FREM3: variants seen among roughly 807,000 people sequenced by gnomAD.
FREM3 encodes FRAS1-related extracellular matrix protein 3.
A neutral mutation model predicts 129.1 loss-of-function variants in FREM3; 105 were observed. That is an observed-to-expected ratio of 0.81 (90% confidence interval 0.69 to 0.96). The LOEUF is 0.96. FREM3 is among the 40% of genes least tolerant of loss of function. FREM3 has a pLI of 0.00. For missense variants in FREM3, 2,593 were observed against 2,666.3 expected, an observed-to-expected ratio of 0.97 and a Z score of 0.61; for synonymous variants, 1,014 against 1,044.9, an observed-to-expected ratio of 0.97 and a Z score of 0.57.
chr4:143,660,219 C>A (rs2149851815), intron 2 of FREM3, among the ~76,000 whole-genome samples: 1 of 151,294 alleles, frequency 6.6e-6, no homozygotes, highest in East Asian at 2.0e-4. Flanking sequence ...GGTTTTAGGT[C>A]TAACATTTAA....
intron 2 of FREM3, among the ~76,000 whole-genome samples, chr4:143,635,616 T>G (rs944549430): frequency 6.6e-6 from 1 of 152,232 alleles, no homozygotes; most frequent in Non-Finnish European, 1.5e-5. Context: ...GATTAAGAAC[T>G]ACTGGTGTAG....
chr4:143,700,541 G>C lies in FREM3; in HGVS notation c.135C>G (p.Tyr45Ter). 1 of 1,519,466 alleles carries C rather than the reference G, an allele frequency of 6.6e-7. No homozygotes were observed. Among genetic ancestry groups the C allele is most frequent in the Non-Finnish European group, 8.8e-7 (1 of 1,136,986 alleles). 94.1% of individuals were successfully genotyped at this position (1,519,466 alleles called of 1,614,324 possible). Residue 45 changes from tyrosine (Y) to a stop codon, truncating the protein, a stop_gained, in exon 1 of 8, where the codon TAC becomes TAG. Coordinates refer to ENST00000329798, the MANE Select transcript of FREM3 (RefSeq NM_001168235.2). LOFTEE classifies it high-confidence loss of function. ...SLGTEPDPAL[Y>*]LPARGALDGT... ...CGTCAAGCGCACCCCGGGCGGGCAG[G>C]TAAAGCGCCGGGTCGGGCTCGGTCC...
chr4:143,652,659 G>A (rs1739533256), intron 2 of FREM3, among the ~76,000 whole-genome samples: 1 of 152,182 alleles, frequency 6.6e-6, no homozygotes, highest in Admixed American at 6.5e-5. Flanking sequence ...TTCAGACAGA[G>A]TCTGGCTCTG....
At chr4:143,613,893 C>G (rs1160832572) in intron 5 of FREM3, among the ~76,000 whole-genome samples, 4 of 152,196 alleles carry the variant, frequency 2.6e-5, no homozygotes, top group African/African-American at 9.6e-5. Flanking sequence ...TATTAAACCT[C>G]TTTCTCAATA....
In FREM3 at chr4:143,700,416, A is replaced by C. The variant is rs994278059; in HGVS notation, c.260T>G (p.Ile87Ser). 2.6e-6 allele frequency: 4 copies of C among 1,532,926 alleles called. No homozygotes were observed. Among genetic ancestry groups the C allele is most frequent in the Non-Finnish European group, 3.5e-6 (4 of 1,144,808 alleles). The allele number at this position is 1,532,926 out of a possible 1,614,324, so 95.0% of individuals were successfully genotyped here. ...GCACCGGTCCCCCGGCTGCACTCCA[A>C]TCACCAGATCCCGGAGCGGGTCGAG... is the stretch of plus-strand genomic sequence containing the variant. ...LWLDPLRDLV[I>S]GVQPGDRCEV... is the part of the protein sequence containing the mutation. The change falls in exon 1 of 8, where the codon ATT becomes AGT. Residue 87 changes from isoleucine to serine, a missense_variant. Ile to Ser is a moderately radical substitution (Grantham distance 142). Around this residue, in one of 2 missense-constraint regions of FREM3, gnomAD observed 2,276 missense variants for 2,267.2 expected, o/e 1.00. Transcript: ENST00000329798.
At chr4:143,693,811 T>A (rs1419045351) in intron 1 of FREM3, among the ~76,000 whole-genome samples, 1 of 152,190 alleles carries the variant, frequency 6.6e-6, no homozygotes, top group East Asian at 1.9e-4. Flanking sequence ...TTCTCGTTGT[T>A]GTTTTTTCAG....
chr4:143,589,556 T>C (rs1738316050), intron 6 of FREM3, among the ~76,000 whole-genome samples: 1 of 152,172 alleles, frequency 6.6e-6, no homozygotes, highest in Non-Finnish European at 1.5e-5. Context: ...GTTGTAGATA[T>C]GTGGCATTAT....
At chr4:143,654,250 G>A (rs186306091) in intron 2 of FREM3, among the ~76,000 whole-genome samples, 32 of 152,212 alleles carry the variant, frequency 2.1e-4, no homozygotes, top group Non-Finnish European at 3.8e-4. Context: ...TTACAGGTTT[G>A]TGCCACCACG....
intron 7 of FREM3, among the ~76,000 whole-genome samples, chr4:143,578,827 C>A (rs1738084181): frequency 6.6e-6 from 1 of 152,118 alleles, no homozygotes; most frequent in Admixed American, 6.5e-5. Context: ...TTGAAGAAAA[C>A]AAAAGCAGAC....
intron 2 of FREM3, among the ~76,000 whole-genome samples, chr4:143,650,213 A>T (rs1235662497): frequency 6.6e-6 from 1 of 152,156 alleles, no homozygotes; most frequent in Non-Finnish European, 1.5e-5. Context: ...TAAAAATCTG[A>T]TAATTTGCCT....
intron 3 of FREM3, 131 bp from the exon 4 acceptor site, chr4:143,624,469 A>T: frequency 1.6e-6 from 1 of 619,010 alleles, no homozygotes; most frequent in Non-Finnish European, 2.8e-6. Flanking sequence ...CCCAAAAGAC[A>T]CTTGTAAATG....
intron 2 of FREM3, among the ~76,000 whole-genome samples, chr4:143,643,294 A>G (rs1042611083): frequency 6.6e-6 from 1 of 152,184 alleles, no homozygotes; most frequent in Admixed American, 6.5e-5. Context: ...TAAAATCAAT[A>G]TGCTGAAGAG....
chr4:143,593,000 C>A (rs7439589), intron 6 of FREM3, among the ~76,000 whole-genome samples: 2 of 152,134 alleles, frequency 1.3e-5, no homozygotes, highest in African/African-American at 2.4e-5. Flanking sequence ...CATCTTCCAT[C>A]GCTGTTACCC....
At chr4:143,627,094 A>G (rs2149842947) in intron 3 of FREM3, among the ~76,000 whole-genome samples, 1 of 152,314 alleles carries the variant, frequency 6.6e-6, no homozygotes, top group South Asian at 2.1e-4. Context: ...AAGAAAACAT[A>G]TTTCTGTACT....
intron 2 of FREM3, among the ~76,000 whole-genome samples, chr4:143,686,120 G>T (rs1740359716): frequency 6.6e-6 from 1 of 152,072 alleles, no homozygotes; most frequent in African/African-American, 2.4e-5. Flanking sequence ...AGAGTAAAGG[G>T]GTGGAAAAGG....
intron 3 of FREM3, among the ~76,000 whole-genome samples, chr4:143,626,680 G>A (rs869165): frequency 6.6e-6 from 1 of 152,018 alleles, no homozygotes; most frequent in Non-Finnish European, 1.5e-5. Context: ...GGGCCACCCA[G>A]AAGTCAGGGT....
intron 2 of FREM3, among the ~76,000 whole-genome samples, chr4:143,642,759 AG>A (rs1739343264): frequency 6.6e-6 from 1 of 152,218 alleles, no homozygotes; most frequent in African/African-American, 2.4e-5. Flanking sequence ...TTAAAAGCAC[AG>A]GCAATGAAAG....
rs376459112 is a variant in FREM3, at chr4:143,696,845, C to G, written c.3831G>C (p.Glu1277Asp). The change falls in exon 1 of 8, where the codon GAG (glutamate) becomes GAC (aspartate). Residue 1277 changes from glutamate (E) to aspartate (D), a missense_variant. Glu to Asp is a conservative substitution (Grantham distance 45). Around this residue, in one of 2 missense-constraint regions of FREM3, gnomAD observed 2,276 missense variants for 2,267.2 expected, o/e 1.00. Coordinates refer to ENST00000329798, the MANE Select transcript of FREM3 (RefSeq NM_001168235.2). ...CACTCAGCCAGACCTCAAAACTGTC[C>G]TCTTTTGTCTCTGAGTCATCATGCT... Reference protein sequence around the residue: ...VYEHDDSETKEDSFEVWLSDG... With the variant: ...VYEHDDSETKDDSFEVWLSDG... The G allele has an allele frequency of 7.8e-5, 120 of 1,537,564 alleles. No individual in the cohort carries two copies. The highest frequency in any genetic ancestry group is 1.0e-4 in the Non-Finnish European group (119 of 1,147,022).
rs184896472 is a variant in FREM3, at chr4:143,619,882, A to G, written c.5779+1155T>C. Among the ~76,000 whole-genome samples the G allele has an allele frequency of 1.1e-3, 172 of 152,306 alleles. 1 individual carries two copies. The highest frequency in any genetic ancestry group is 3.9e-3 in the African/African-American group (163 of 41,568). ...TGTTGTGGGGGTATTATTTAAAAAA[A>G]AAACCAAAACATTGTTTGGGAGAGG... On this transcript the variant is annotated intron_variant, in intron 5 of 7. Coordinates refer to ENST00000329798, the MANE Select transcript of FREM3 (RefSeq NM_001168235.2).
Sources: allele counts gnomAD v4.1 joint callset (sites outside exome capture counted in the v4.1 genomes callset), GRCh38; gene constraint gnomAD v4.1.1; regional missense constraint gnomAD v4.1.1; transcripts MANE v1.5; gene names NCBI Gene and HGNC (gene_info 2026-07-23, HGNC 2026-07-21).